Variants in TMEM266 observed in about 807,000 individuals in gnomAD.
TMEM266 encodes the protein Hv1 related protein 1.
TMEM266 carries 33 observed loss-of-function variants against 50.5 expected under a neutral mutation model. The observed-to-expected ratio is 0.65, with a 90% CI of 0.50 to 0.87. TMEM266 has a LOEUF of 0.87. Ranked by LOEUF, TMEM266 falls within the 40% of genes least tolerant of loss-of-function variation. The pLI is 0.00. For missense variants in TMEM266, 655 were observed against 695.1 expected, an observed-to-expected ratio of 0.94 and a Z score of 0.65; for synonymous variants, 310 against 292.3, an observed-to-expected ratio of 1.06 and a Z score of -0.62.
intron 1 of TMEM266, among the ~76,000 whole-genome samples, chr15:76,124,618 G>A (rs1225358165): frequency 3.3e-5 from 5 of 151,880 alleles, no homozygotes; most frequent in African/African-American, 7.3e-5. Context: ...AGGCAACATA[G>A]CAAGACCCCC....
chr15:76,148,365 T>A (rs889716691), intron 3 of TMEM266, among the ~76,000 whole-genome samples: 1 of 152,108 alleles, frequency 6.6e-6, no homozygotes, highest in Non-Finnish European at 1.5e-5. Context: ...TGCCGATTTG[T>A]TCCCTCGTTC....
chr15:76,197,205 C>G (rs991632695), intron 9 of TMEM266, among the ~76,000 whole-genome samples: 65 of 152,210 alleles, frequency 4.3e-4, no homozygotes, highest in African/African-American at 1.5e-3. Context: ...CCACTGGCCT[C>G]TAAATGTGTG....
chr15:76,161,654 A>T lies in TMEM266; in HGVS notation c.456+1486A>T, dbSNP rs1225666178. On this transcript the variant is annotated intron_variant, in intron 5 of 10. Transcript: ENST00000388942. The surrounding 1 kb of genome is among the most constrained non-coding windows in gnomAD (Gnocchi z 4.1). The stretch of plus-strand genomic sequence containing the variant: ...TGGTGAGCCTGGGCCTGAGGCTCAG[A>T]TGGAGGGGGCAGATCGCAGCACTGC... 6.6e-6 allele frequency among the ~76,000 whole-genome samples: 1 copy of T among 152,134 alleles called. No individual in the cohort carries two copies. Among genetic ancestry groups the T allele is most frequent in the Non-Finnish European group, 1.5e-5 (1 of 67,994 alleles).
chr15:76,186,368 C>T (rs953692599), intron 8 of TMEM266, among the ~76,000 whole-genome samples: 8 of 152,192 alleles, frequency 5.3e-5, no homozygotes, highest in Non-Finnish European at 8.8e-5. Context: ...CTGAGGGTCC[C>T]GCTAGCACCT....
At position 76,175,632 on chromosome 15, in the gene TMEM266, C is replaced by G; in HGVS notation, c.726C>G (p.Asp242Glu). ...ACGAGAAGGCCAAGGTCATCCAAGA[C>G]GAGCAGCTGGAGAGGCTGACGCAGA... The change falls in exon 8 of 11, where the codon GAC (aspartate) becomes GAG (glutamate). Residue 242 changes from aspartate (D) to glutamate (E), a missense_variant. Asp to Glu is a conservative substitution (Grantham distance 45, BLOSUM62 2). Around this residue, in one of 3 missense-constraint regions of TMEM266, gnomAD observed 455 missense variants for 401.8 expected, o/e 1.13. Coordinates refer to ENST00000388942, the MANE Select transcript of TMEM266 (RefSeq NM_152335.3). 1.2e-6 allele frequency: 2 copies of G among 1,614,174 alleles called. No homozygotes were observed. Among genetic ancestry groups the G allele is most frequent in the Non-Finnish European group, 1.7e-6 (2 of 1,179,998 alleles).
chr15:76,199,645 G>A (rs1250672611), intron 9 of TMEM266, among the ~76,000 whole-genome samples: 2 of 152,192 alleles, frequency 1.3e-5, no homozygotes, highest in African/African-American at 4.8e-5. Context: ...TGATCACATC[G>A]GATCTCGGGG....
chr15:76,200,384 G>A (rs370314704), intron 9 of TMEM266, among the ~76,000 whole-genome samples: 4 of 152,318 alleles, frequency 2.6e-5, no homozygotes, highest in East Asian at 1.9e-4. Context: ...CAGCGCCATC[G>A]GGGTACAGAT....
intron 1 of TMEM266, among the ~76,000 whole-genome samples, chr15:76,060,531 C>A (rs1224417518): frequency 6.6e-6 from 1 of 152,132 alleles, no homozygotes; most frequent in African/African-American, 2.4e-5. Context: ...GGTGCCCCAG[C>A]GGCAGAATGG....
At chr15:76,084,533 A>G (rs1393237281) in intron 1 of TMEM266, among the ~76,000 whole-genome samples, 1 of 152,118 alleles carries the variant, frequency 6.6e-6, no homozygotes, top group Non-Finnish European at 1.5e-5. Flanking sequence ...CAGGTCATGA[A>G]GGGCCTTGCC....
At chr15:76,086,144 A>ATTTT (rs2036773966) in intron 1 of TMEM266, among the ~76,000 whole-genome samples, 1 of 152,240 alleles carries the variant, frequency 6.6e-6, no homozygotes, top group Non-Finnish European at 1.5e-5. Flanking sequence ...GGTGAATGGA[A>ATTTT]GAAACAAACT....
intron 9 of TMEM266, among the ~76,000 whole-genome samples, chr15:76,195,886 T>C (rs1317677162): frequency 6.6e-6 from 1 of 152,206 alleles, no homozygotes; most frequent in Non-Finnish European, 1.5e-5. Flanking sequence ...ACCAAGCCTT[T>C]AAAATACTCC....
chr15:76,140,188 G>C (rs1454101738), intron 3 of TMEM266, among the ~76,000 whole-genome samples: 1 of 152,212 alleles, frequency 6.6e-6, no homozygotes, highest in Non-Finnish European at 1.5e-5. Flanking sequence ...CCCGAGGAAG[G>C]GATCTGCCTC....
intron 3 of TMEM266, among the ~76,000 whole-genome samples, chr15:76,143,408 T>C (rs2037710897): frequency 1.3e-5 from 2 of 152,324 alleles, no homozygotes; most frequent in East Asian, 1.9e-4. Context: ...GCCACTTCCT[T>C]GTTGCTACAA....
rs549730630 is a variant in TMEM266, at chr15:76,107,066, C to T, written c.-96-27102C>T. Among the ~76,000 whole-genome samples the T allele has an allele frequency of 3.5e-3, 539 of 152,108 alleles. 4 individuals are homozygous for T. Among genetic ancestry groups the T allele is most frequent in the African/African-American group, 0.012 (491 of 41,464 alleles). ...TTTCTTCTAGACTGTCTCTGTCCCA[C>T]GGAAATATAACATAAACCATGTATG... On this transcript the variant is annotated intron_variant, in intron 1 of 10. Coordinates refer to ENST00000388942, the MANE Select transcript of TMEM266 (RefSeq NM_152335.3).
chr15:76,149,351 C>T (rs748476273), intron 3 of TMEM266, among the ~76,000 whole-genome samples: 3 of 152,162 alleles, frequency 2.0e-5, no homozygotes, highest in Non-Finnish European at 4.4e-5. Flanking sequence ...ATGGATAAGG[C>T]TGTAGGCTCC....
At chr15:76,198,642 G>A (rs983823246) in intron 9 of TMEM266, among the ~76,000 whole-genome samples, 3 of 152,258 alleles carry the variant, frequency 2.0e-5, no homozygotes, top group African/African-American at 7.2e-5. Context: ...CTTCTGTCCA[G>A]TCCAGCCTAA....
At position 76,151,287 on chromosome 15, in the gene TMEM266, C is replaced by G. The variant is rs141429600; in HGVS notation, c.228-5317C>G. ...AGCCCCTTGAGTCATTACTGAACCACTCAGGAATCTTTTGAAACTGGTCAC... is the reference window on the plus strand; with the variant it reads ...AGCCCCTTGAGTCATTACTGAACCAGTCAGGAATCTTTTGAAACTGGTCAC... On this transcript the variant is annotated intron_variant, in intron 3 of 10. Transcript: ENST00000388942. Among the ~76,000 whole-genome samples, 110 of 152,374 alleles carry G rather than the reference C, an allele frequency of 7.2e-4. 1 individual carries two copies. The East Asian group carries it at 0.021, about 29-fold the overall frequency.
chr15:76,169,376 C>T (rs1324487705), intron 5 of TMEM266, among the ~76,000 whole-genome samples: 2 of 152,012 alleles, frequency 1.3e-5, no homozygotes, highest in Non-Finnish European at 2.9e-5. Flanking sequence ...GTTTTTGCCA[C>T]ATGCAAAGAC....
chr15:76,201,045 G>A (rs1346983355), intron 9 of TMEM266, among the ~76,000 whole-genome samples: 1 of 152,088 alleles, frequency 6.6e-6, no homozygotes, highest in Non-Finnish European at 1.5e-5. Context: ...GAAGCTCCTG[G>A]GGGTGCAGAC....
Sources: gnomAD v4.1 joint callset for allele counts (sites outside exome capture counted in the v4.1 genomes callset) on GRCh38, gnomAD v4.1.1 for gene constraint, gnomAD v4.1.1 regional missense constraint, Gnocchi (gnomAD v3.1) non-coding constraint, MANE v1.5 for transcripts, NCBI Gene and HGNC (gene_info 2026-07-23, HGNC 2026-07-21) for gene names.